The following GALNT11 variants were observed in gnomAD, a reference collection of about 807,000 sequenced individuals.
GALNT11 encodes the protein polypeptide N-acetylgalactosaminyltransferase 11, also known as UDP-GalNAc:polypeptide N-acetylgalactosaminyltransferase 11.
GALNT11 carries 47 observed loss-of-function variants against 72.7 expected under a neutral mutation model. The observed-to-expected ratio is 0.65, with a 90% CI of 0.51 to 0.82. GALNT11 has a LOEUF of 0.82. GALNT11 is among the 40% of genes least tolerant of loss of function. The probability of loss-of-function intolerance (pLI) is 0.00; values close to 1 mark genes in which losing one functional copy is unlikely to be tolerated. For missense variants in GALNT11, 677 were observed against 778.4 expected, an observed-to-expected ratio of 0.87 and a Z score of 1.55; for synonymous variants, 270 against 286.6, an observed-to-expected ratio of 0.94 and a Z score of 0.58.
intron 1 of GALNT11, among the ~76,000 whole-genome samples, chr7:152,030,785 C>T (rs2082271845): frequency 6.6e-6 from 1 of 152,076 alleles, no homozygotes; most frequent in Admixed American, 6.6e-5. Context: ...TCCTTTGTCT[C>T]TCACTTCCTC....
intron 1 of GALNT11, among the ~76,000 whole-genome samples, chr7:152,061,252 A>G (rs1364822662): frequency 3.3e-5 from 5 of 151,876 alleles, no homozygotes; most frequent in Non-Finnish European, 5.9e-5. Flanking sequence ...TCATGTGTCT[A>G]TTGTCTGCAT....
intron 8 of GALNT11, among the ~76,000 whole-genome samples, chr7:152,114,887 G>A (rs1029785867): frequency 1.3e-5 from 2 of 152,192 alleles, no homozygotes; most frequent in African/African-American, 2.4e-5. Flanking sequence ...TGTATGCCAG[G>A]CTCTGTGTTA....
chr7:152,068,164 A>G (rs953634092), intron 1 of GALNT11, among the ~76,000 whole-genome samples: 8 of 152,062 alleles, frequency 5.3e-5, no homozygotes, highest in Non-Finnish European at 1.2e-4. Flanking sequence ...CCTGTGCTTC[A>G]TATTGAACCC....
intron 2 of GALNT11, 52 bp from the exon 3 acceptor site, chr7:152,100,746 T>G: frequency 1.9e-6 from 3 of 1,597,794 alleles, no homozygotes; most frequent in Non-Finnish European, 2.6e-6. Flanking sequence ...TCGTTAACAG[T>G]AACATGATAC....
chr7:152,089,454 C>T (rs542676542), intron 1 of GALNT11, among the ~76,000 whole-genome samples: 32 of 152,192 alleles, frequency 2.1e-4, no homozygotes, highest in African/African-American at 7.0e-4. Context: ...AAAGGAAAGA[C>T]GTAATTTTTA....
intron 8 of GALNT11, among the ~76,000 whole-genome samples, chr7:152,114,755 T>C (rs979676062): frequency 3.3e-5 from 5 of 152,060 alleles, no homozygotes; most frequent in South Asian, 4.2e-4. Context: ...TGTATAGCTA[T>C]TTTTTAAACA....
At chr7:152,074,110 A>G (rs1364616475) in intron 1 of GALNT11, among the ~76,000 whole-genome samples, 1 of 151,724 alleles carries the variant, frequency 6.6e-6, no homozygotes, top group Non-Finnish European at 1.5e-5. Flanking sequence ...CACTCTGCTG[A>G]TTGTTTCCTT....
chr7:152,102,880 C>T (rs1368960153), intron 3 of GALNT11, among the ~76,000 whole-genome samples: 9 of 149,152 alleles, frequency 6.0e-5, no homozygotes, highest in Non-Finnish European at 8.9e-5. Flanking sequence ...CCTCGGGAGG[C>T]TGAGGCAGGA....
chr7:152,092,082 G>A (rs376564000), intron 1 of GALNT11, among the ~76,000 whole-genome samples: 34 of 152,268 alleles, frequency 2.2e-4, no homozygotes, highest in East Asian at 1.9e-3. Flanking sequence ...CTGGTTCCTC[G>A]TGGATTCAGA....
chr7:152,045,263 T>C (rs141152045), intron 1 of GALNT11, among the ~76,000 whole-genome samples: 83 of 152,318 alleles, frequency 5.4e-4, no homozygotes, highest in African/African-American at 1.9e-3. Flanking sequence ...TTGATGTGTC[T>C]TTGTCTGGTT....
chr7:152,044,051 G>C lies in GALNT11; in HGVS notation c.-39+18167G>C, dbSNP rs554522287. Among the ~76,000 whole-genome samples the C allele has an allele frequency of 3.3e-5, 5 of 152,308 alleles. No homozygotes were observed. In the East Asian group the frequency reaches 9.7e-4, roughly 29 times the overall value. ...CCCACGTATGGGCATTACTTGCTGA[G>C]ACCAGCTTGGTCGTGGAGACCCTAA... On this transcript the variant is annotated intron_variant, in intron 1 of 11. Transcript: ENST00000430044.
chr7:152,063,262 A>G (rs1340282492), intron 1 of GALNT11, among the ~76,000 whole-genome samples: 1 of 152,148 alleles, frequency 6.6e-6, no homozygotes, highest in Non-Finnish European at 1.5e-5. Context: ...AGAGGTGTTT[A>G]TAGTATTCTC....
intron 7 of GALNT11, among the ~76,000 whole-genome samples, chr7:152,111,174 G>T (rs2088148457): frequency 6.6e-6 from 1 of 151,852 alleles, no homozygotes; most frequent in Admixed American, 6.6e-5. Context: ...TTTTGAGACA[G>T]GGTCTTGCTC....
chr7:152,100,252 A>AAT (rs1376566510), intron 2 of GALNT11, among the ~76,000 whole-genome samples: 1 of 152,018 alleles, frequency 6.6e-6, no homozygotes, highest in African/African-American at 2.4e-5. Flanking sequence ...TTTTCTTTTG[A>AAT]ATATAATAAA....
At chr7:152,105,570 G>C (rs1434055336) in intron 5 of GALNT11, among the ~76,000 whole-genome samples, 200 bp downstream of exon 5, 1 of 152,226 alleles carries the variant, frequency 6.6e-6, no homozygotes, top group East Asian at 1.9e-4. Context: ...AGTGCAGGGG[G>C]CTGAACTCTC....
At chr7:152,027,396 A>G (rs2082073422) in intron 1 of GALNT11, among the ~76,000 whole-genome samples, 1 of 152,226 alleles carries the variant, frequency 6.6e-6, no homozygotes, top group East Asian at 1.9e-4. Flanking sequence ...TGTTAGTGCT[A>G]CAAACAACCT....
chr7:152,025,716 G>C lies in GALNT11; in HGVS notation c.-207G>C, dbSNP rs1001000460. ...GGGACTGGGCGAGGGCCCTGGGCCT[G>C]AGGAGGCGCGGCCGCCACTGCGCCC... is the stretch of plus-strand genomic sequence containing the variant. On this transcript the variant is annotated 5_prime_UTR_variant, in exon 1 of 12. Transcript: ENST00000430044. 5 of 151,758 alleles carry C rather than the reference G, an allele frequency of 3.3e-5. No individual in the cohort carries two copies. Among genetic ancestry groups the C allele is most frequent in the Non-Finnish European group, 5.9e-5 (4 of 68,088 alleles). 9.4% of individuals were successfully genotyped at this position (151,758 alleles called of 1,614,324 possible).
intron 1 of GALNT11, among the ~76,000 whole-genome samples, chr7:152,052,718 C>A (rs948789236): frequency 1.3e-5 from 2 of 152,154 alleles, no homozygotes; most frequent in East Asian, 3.9e-4. Flanking sequence ...GTACATGTTC[C>A]CAGAGGTTCA....
chr7:152,100,576 A>AG (rs1190057674), intron 2 of GALNT11, among the ~76,000 whole-genome samples: 1 of 152,102 alleles, frequency 6.6e-6, no homozygotes, highest in African/African-American at 2.4e-5. Context: ...AAAAAAAAAA[A>AG]AAAATTATGG....
Sources: allele counts gnomAD v4.1 joint callset (sites outside exome capture counted in the v4.1 genomes callset), GRCh38; gene constraint gnomAD v4.1.1; transcripts MANE v1.5; gene names NCBI Gene and HGNC (gene_info 2026-07-23, HGNC 2026-07-21).